The following FANCL variants were observed in gnomAD, a reference collection of about 807,000 sequenced individuals.
FANCL encodes the protein E3 ubiquitin-protein ligase FANCL.
FANCL carries 69 observed loss-of-function variants against 59.4 expected under a neutral mutation model. That is an observed-to-expected ratio of 1.16 (90% CI 0.96 to 1.42). The LOEUF is 1.42. Among genes scored for constraint, FANCL ranks in the 40% most tolerant of loss-of-function variants. The pLI, the probability that FANCL is intolerant of heterozygous loss-of-function variation, is 0.00. For synonymous variants in FANCL, 180 were observed against 147.1 expected, an observed-to-expected ratio of 1.22 and a Z score of -1.62; for missense variants, 519 against 447.2, an observed-to-expected ratio of 1.16 and a Z score of -1.45.
At chr2:58,206,684 T>C (rs769884327) in intron 5 of FANCL, among the ~76,000 whole-genome samples, 12 of 152,180 alleles carry the variant, frequency 7.9e-5, no homozygotes, top group Non-Finnish European at 1.6e-4. Flanking sequence ...AGAGAGGTAA[T>C]ACACTACAGA....
intron 7 of FANCL, among the ~76,000 whole-genome samples, chr2:58,190,905 C>G (rs1051463453): frequency 6.6e-6 from 1 of 151,854 alleles, no homozygotes; most frequent in African/African-American, 2.4e-5. Context: ...GGAATATTTT[C>G]TAGCTCTAAG....
rs779439089 is a variant in FANCL, at chr2:58,165,744, G to A, written c.671C>T (p.Thr224Ile). ...CCTACCTAATGCAATTCTGCGTGCTGTTGCACTCCGTGGAGGTTTTTCTGG... is the reference window on the plus strand; with the variant it reads ...CCTACCTAATGCAATTCTGCGTGCTATTGCACTCCGTGGAGGTTTTTCTGG... ...LEPEKPPRSA[T>I]ARRIALGNNV... The change falls in exon 8 of 14, where the codon ACA becomes ATA. Residue 224 changes from threonine to isoleucine, a missense_variant. By Grantham distance (89) the Thr-to-Ile change is moderately conservative. Coordinates refer to ENST00000233741, the MANE Select transcript of FANCL (RefSeq NM_018062.4). The A allele has an allele frequency of 6.2e-7, 1 of 1,614,078 alleles. No individual in the cohort carries two copies. Among genetic ancestry groups the A allele is most frequent in the Non-Finnish European group, 8.5e-7 (1 of 1,179,968 alleles).
At chr2:58,207,880 G>A (rs1197079824) in intron 5 of FANCL, among the ~76,000 whole-genome samples, 1 of 152,100 alleles carries the variant, frequency 6.6e-6, no homozygotes, top group Non-Finnish European at 1.5e-5. Context: ...GACACAGTGA[G>A]ACCTCATCTT....
rs753559993 is a variant in FANCL, at chr2:58,165,926, G to A, written c.541-52C>T. The A allele has an allele frequency of 3.2e-6, 5 of 1,567,286 alleles. No individual in the cohort carries two copies. The South Asian group carries it at 4.5e-5, about 14-fold the overall frequency. On this transcript the variant is annotated intron_variant, in intron 7 of 13. Coordinates refer to ENST00000233741, the MANE Select transcript of FANCL (RefSeq NM_018062.4). The stretch of plus-strand genomic sequence containing the variant: ...GTTATATGGTACTCTACCAATAGCA[G>A]ATAATCTTTTACTTAAAATACACTC...
intron 5 of FANCL, among the ~76,000 whole-genome samples, chr2:58,210,926 C>T (rs1346955181): frequency 6.6e-6 from 1 of 152,208 alleles, no homozygotes; most frequent in East Asian, 1.9e-4. Context: ...GTATGGCACC[C>T]CCACCCGGCT....
intron 2 of FANCL, among the ~76,000 whole-genome samples, chr2:58,230,856 A>C (rs1346056915): frequency 6.6e-6 from 1 of 152,096 alleles, no homozygotes; most frequent in Non-Finnish European, 1.5e-5. Context: ...CTCCTTAATG[A>C]ATTAACTTGC....
intron 5 of FANCL, among the ~76,000 whole-genome samples, chr2:58,204,739 A>G (rs115785349): frequency 2.0e-5 from 3 of 152,110 alleles, no homozygotes; most frequent in African/African-American, 7.2e-5. Context: ...AAAATGCTGT[A>G]TAAGCACAGG....
intron 1 of FANCL, among the ~76,000 whole-genome samples, chr2:58,240,361 G>A (rs1694410506): frequency 6.6e-6 from 1 of 152,102 alleles, no homozygotes; most frequent in Non-Finnish European, 1.5e-5. Flanking sequence ...TGAGTGTAAT[G>A]GTCAGAAAGG....
chr2:58,173,524 T>G (rs1444399723), intron 7 of FANCL, among the ~76,000 whole-genome samples: 1 of 152,116 alleles, frequency 6.6e-6, no homozygotes, highest in Non-Finnish European at 1.5e-5. Flanking sequence ...GAATTTCATA[T>G]CCAGCCAAAC....
chr2:58,228,171 T>C (rs1693222671), intron 3 of FANCL, among the ~76,000 whole-genome samples: 2 of 152,180 alleles, frequency 1.3e-5, no homozygotes, highest in African/African-American at 2.4e-5. Context: ...CAGTCATTCA[T>C]TAAAGTAAAA....
At chr2:58,177,924 C>A (rs1011188120) in intron 7 of FANCL, among the ~76,000 whole-genome samples, 1 of 151,988 alleles carries the variant, frequency 6.6e-6, no homozygotes. Context: ...ACTGATCCTA[C>A]AGAAATACAA....
At chr2:58,211,310 A>G (rs1691131441) in intron 5 of FANCL, among the ~76,000 whole-genome samples, 1 of 144,192 alleles carries the variant, frequency 6.9e-6, no homozygotes, top group African/African-American at 2.6e-5. Flanking sequence ...GCCACGGCCC[A>G]AGCTCTACAC....
At chr2:58,191,252 T>C in intron 7 of FANCL, among the ~76,000 whole-genome samples, 2 of 151,888 alleles carry the variant, frequency 1.3e-5, no homozygotes, top group Non-Finnish European at 2.9e-5. Context: ...GCTTCACTAA[T>C]ATTGAAAAAA....
intron 5 of FANCL, among the ~76,000 whole-genome samples, chr2:58,220,937 G>A (rs1692412560): frequency 6.6e-6 from 1 of 152,088 alleles, no homozygotes; most frequent in Non-Finnish European, 1.5e-5. Context: ...GAATTGCCGG[G>A]CGTGGTGGCT....
intron 6 of FANCL, among the ~76,000 whole-genome samples, chr2:58,203,543 A>T (rs566509566): frequency 1.5e-3 from 224 of 152,172 alleles, no homozygotes; most frequent in African/African-American, 5.2e-3. Flanking sequence ...ACTAAAAAAT[A>T]AAGATGAAAC....
chr2:58,184,778 G>C (rs911162807), intron 7 of FANCL, among the ~76,000 whole-genome samples: 38 of 152,134 alleles, frequency 2.5e-4, no homozygotes, highest in Non-Finnish European at 5.6e-4. Context: ...GTATGAGAAG[G>C]AAAAGAACAC....
chr2:58,164,988 T>C (rs771043484), intron 8 of FANCL, among the ~76,000 whole-genome samples: 8 of 152,214 alleles, frequency 5.3e-5, no homozygotes, highest in Non-Finnish European at 1.2e-4. Flanking sequence ...CATCAGAATT[T>C]CAAAATACCC....
intron 7 of FANCL, among the ~76,000 whole-genome samples, chr2:58,180,968 C>T (rs867446274): frequency 6.6e-6 from 1 of 152,062 alleles, no homozygotes; most frequent in Middle Eastern, 3.4e-3. Flanking sequence ...ACTGTCAGTG[C>T]GCATGTAAAT....
Position 58,191,687 on chromosome 2 carries a change from T to C in FANCL, c.540+6907A>G, listed in dbSNP as rs148734531. Among the ~76,000 whole-genome samples, 781 of 148,286 alleles carry C rather than the reference T, an allele frequency of 5.3e-3. 10 individuals are homozygous for C. Among genetic ancestry groups the C allele is most frequent in the African/African-American group, 0.018 (727 of 39,674 alleles). On this transcript the variant is annotated intron_variant, in intron 7 of 13. Coordinates refer to ENST00000233741, the MANE Select transcript of FANCL (RefSeq NM_018062.4). The stretch of plus-strand genomic sequence containing the variant: ...TTCAATATATAGATAATAATTGCTG[T>C]CTGACAGATATGTGTGTATAAATCC...
Sources: gnomAD v4.1 joint callset for allele counts (sites outside exome capture counted in the v4.1 genomes callset) on GRCh38, gnomAD v4.1.1 for gene constraint, MANE v1.5 for transcripts, NCBI Gene and HGNC (gene_info 2026-07-23, HGNC 2026-07-21) for gene names.